The following ZNF213 variants were observed in gnomAD, a reference collection of about 807,000 sequenced individuals.
ZNF213 encodes putative transcription factor CR53.
A neutral mutation model predicts 46.0 loss-of-function variants in ZNF213; 32 were observed. The observed-to-expected ratio is 0.70, with a 90% CI of 0.52 to 0.93. The LOEUF is 0.93. Ranked by LOEUF, ZNF213 falls within the 40% of genes least tolerant of loss-of-function variation. The pLI is 0.00. For synonymous variants in ZNF213, 297 were observed against 271.0 expected (o/e 1.10, Z -0.94); for missense variants, 639 against 652.8 (o/e 0.98, Z 0.23).
chr16:3,138,467 A>G lies in ZNF213; in HGVS notation c.449A>G (p.Gln150Arg), dbSNP rs1179518810. 1 of 1,613,194 alleles carries G rather than the reference A, an allele frequency of 6.2e-7. No individual in the cohort carries two copies. Among genetic ancestry groups the G allele is most frequent in the East Asian group, 2.2e-5 (1 of 44,878 alleles). ...AEPEAAGRGS[Q>R]ATGPPPTVGA... ...CCCGAGGCTGCAGGCCGGGGATCCC[A>G]GGCCACGGGGCCTCCCCCGACGGTG... The change falls in exon 3 of 6, where the codon CAG becomes CGG. Residue 150 changes from glutamine to arginine, a missense_variant. By Grantham distance (43) the Gln-to-Arg change is conservative. Transcript: ENST00000396878.
chr16:3,141,369 C>T lies in ZNF213; in HGVS notation c.*22C>T, dbSNP rs1182780170. On this transcript the variant is annotated 3_prime_UTR_variant, in exon 6 of 6. Transcript: ENST00000396878. ...GTGAGCAGCTGGCTTGGCCGGAAAC[C>T]CGGGGGAGGCCCAGCCACGGCACAT... 1.8e-5 allele frequency: 28 copies of T among 1,522,546 alleles called. No individual in the cohort carries two copies. The highest frequency in any genetic ancestry group is 2.5e-5 in the Non-Finnish European group (28 of 1,141,272). 94.3% of individuals were successfully genotyped at this position (1,522,546 alleles called of 1,614,324 possible). A position where few individuals can be genotyped will look rare whatever the true frequency, so the allele number is the denominator to read the frequency against.
chr16:3,136,780 G>A (rs1957543253), intron 1 of ZNF213, among the ~76,000 whole-genome samples: 1 of 151,962 alleles, frequency 6.6e-6, no homozygotes, highest in South Asian at 2.1e-4. Context: ...AAACACACGA[G>A]TGGGTATAGC....
intron 5 of ZNF213, 59 bp downstream of exon 5, chr16:3,139,157 G>C: frequency 6.3e-7 from 1 of 1,595,664 alleles, no homozygotes; most frequent in South Asian, 1.1e-5. Context: ...TGGAACTTCA[G>C]TCTTGTTTCC....
intron 5 of ZNF213, 34 bp downstream of exon 5, chr16:3,139,132 C>A: frequency 6.2e-7 from 1 of 1,604,964 alleles, no homozygotes; most frequent in East Asian, 2.2e-5. Context: ...CCAGGCTGGC[C>A]GCCCCCGATT....
rs927712005 is a variant in ZNF213, at chr16:3,142,208, C to T, written c.*861C>T. The T allele has an allele frequency of 3.9e-5, 9 of 231,488 alleles. No individual in the cohort carries two copies. Among genetic ancestry groups the T allele is most frequent in the Non-Finnish European group, 7.8e-5 (9 of 115,194 alleles). The allele number at this position is 231,488 out of a possible 1,614,324, so 14.3% of individuals were successfully genotyped here. On this transcript the variant is annotated 3_prime_UTR_variant, in exon 6 of 6. Transcript: ENST00000396878. ...GCCCCGGCACCCTGCTCCATCGGCA[C>T]TGGCGCCCTGCTCCATCGGCACTAA...
intron 5 of ZNF213, 167 bp downstream of exon 5, chr16:3,139,265 T>C (rs1957576824): frequency 3.7e-6 from 4 of 1,075,090 alleles, no homozygotes; most frequent in Non-Finnish European, 5.2e-6. Flanking sequence ...TTTGTGCGTT[T>C]CCACATGCAG....
rs554894047 is a variant in ZNF213, at chr16:3,141,080, G to C, written c.1113G>C (p.Lys371Asn). Residue 371 changes from lysine to asparagine, a missense_variant, in exon 6 of 6, where the codon AAG becomes AAC. Transcript: ENST00000396878. The part of the protein sequence containing the change: ...VRHQGVHTGE[K>N]PFSCSECGKS... ...ACCAAGGCGTGCACACGGGCGAGAA[G>C]CCCTTCTCCTGTTCCGAGTGCGGCA... The C allele has an allele frequency of 6.2e-7, 1 of 1,613,348 alleles. No individual in the cohort carries two copies. The highest frequency in any genetic ancestry group is 1.1e-5 in the South Asian group (1 of 91,074).
rs756948506 is a variant in ZNF213, at chr16:3,137,260, C to T, written c.-21C>T. 3 of 1,565,830 alleles carry T rather than the reference C, an allele frequency of 1.9e-6. No individual in the cohort carries two copies. Among genetic ancestry groups the T allele is most frequent in the Admixed American group, 1.8e-5 (1 of 54,288 alleles). On this transcript the variant is annotated 5_prime_UTR_variant, in exon 2 of 6. Transcript: ENST00000396878. ...GGGGCCCAGGTTGAAGCCGACCAAC[C>T]CTGAGCCTCAGGCCAGGGGAATGGC...
At chr16:3,136,020 G>GCGT (rs1957532821) in intron 1 of ZNF213, among the ~76,000 whole-genome samples, 1 of 151,648 alleles carries the variant, frequency 6.6e-6, no homozygotes, top group Non-Finnish European at 1.5e-5. Flanking sequence ...GGTACAGATG[G>GCGT]CGTCTCACAT....
At chr16:3,138,697 G>T (rs1186434590) in intron 3 of ZNF213, 48 bp from the exon 4 acceptor site, 2 of 1,612,664 alleles carry the variant, frequency 1.2e-6, no homozygotes, top group Non-Finnish European at 1.7e-6. Flanking sequence ...ATAGGCGTCG[G>T]TGTCAAGCCT....
Position 3,137,643 on chromosome 16 carries a change from G to A in ZNF213, c.363G>A (p.Glu121=), listed in dbSNP as rs760414212. The A allele has an allele frequency of 6.2e-7, 1 of 1,613,794 alleles. No individual in the cohort carries two copies. The highest frequency in any genetic ancestry group is 8.5e-7 in the Non-Finnish European group (1 of 1,180,016). The change falls in exon 2 of 6, where the codon GAG becomes GAA. Residue 121 remains glutamate (E), a synonymous_variant. Transcript: ENST00000396878. The stretch of plus-strand genomic sequence containing the variant: ...GTGAGGAGGCTGTCGCCTTGGTGGA[G>A]GACCTACAGAAGCAGCCAGTGAAAG... ...GSGEEAVALV[E]DLQKQPVKAW...
chr16:3,140,320 C>T (rs1957589450), intron 5 of ZNF213: 2 of 172,660 alleles, frequency 1.2e-5, no homozygotes, highest in Non-Finnish European at 2.4e-5. Flanking sequence ...TTCATGGGTT[C>T]AAGTGATTCT....
chr16:3,139,119 G>C (rs781765263), intron 5 of ZNF213, 21 bp downstream of exon 5: 1 of 1,609,456 alleles, frequency 6.2e-7, no homozygotes, highest in Non-Finnish European at 8.5e-7. Context: ...AGGGCCTTTG[G>C]GTCCAGGCTG....
chr16:3,138,662 T>G, intron 3 of ZNF213, 83 bp from the exon 4 acceptor site: 1 of 1,609,078 alleles, frequency 6.2e-7, no homozygotes, highest in Non-Finnish European at 8.5e-7. Flanking sequence ...AGGGCGTGTG[T>G]GCATGCGCAC....
Position 3,140,810 on chromosome 16 carries a change from G to C in ZNF213, c.843G>C (p.Glu281Asp). 2 of 1,595,186 alleles carry C rather than the reference G, an allele frequency of 1.3e-6. No homozygotes were observed. Among genetic ancestry groups the C allele is most frequent in the South Asian group, 1.1e-5 (1 of 88,866 alleles). The change falls in exon 6 of 6, where the codon GAG (glutamate) becomes GAC (aspartate). Residue 281 changes from glutamate to aspartate, a missense_variant. Coordinates refer to ENST00000396878, the MANE Select transcript of ZNF213 (RefSeq NM_004220.3). Reference protein sequence around the residue: ...SWSPEEAEAWESENRPRAALG... With the variant: ...SWSPEEAEAWDSENRPRAALG... ...GCCCCGAGGAGGCTGAGGCCTGGGA[G>C]AGCGAGAACCGGCCGAGGGCGGCCC...
chr16:3,137,151 T>G lies in ZNF213; in HGVS notation c.-115-15T>G. The G allele has an allele frequency of 1.6e-6, 2 of 1,259,782 alleles. No individual in the cohort carries two copies. The highest frequency in any genetic ancestry group is 2.2e-6 in the Non-Finnish European group (2 of 923,166). The allele number at this position is 1,259,782 out of a possible 1,614,324, so 78.0% of individuals were successfully genotyped here. A position where few individuals can be genotyped will look rare whatever the true frequency, so the allele number is the denominator to read the frequency against. On this transcript the variant is annotated splice_polypyrimidine_tract_variant and intron_variant, in intron 1 of 5. Coordinates refer to ENST00000396878, the MANE Select transcript of ZNF213 (RefSeq NM_004220.3). ...ATCCTTCCTCCTCAGTCCTGCCATT[T>G]TGCTCTTTCCCCAGGAGTACACATC...
Position 3,140,985 on chromosome 16 carries a change from A to C in ZNF213, c.1018A>C (p.Thr340Pro), listed in dbSNP as rs777424695. 1.2e-6 allele frequency: 2 copies of C among 1,610,142 alleles called. No individual in the cohort carries two copies. Among genetic ancestry groups the C allele is most frequent in the South Asian group, 1.1e-5 (1 of 90,946 alleles). The change falls in exon 6 of 6, where the codon ACG becomes CCG. Residue 340 changes from threonine to proline, a missense_variant. By Grantham distance (38) the Thr-to-Pro change is conservative. Coordinates refer to ENST00000396878, the MANE Select transcript of ZNF213 (RefSeq NM_004220.3). ...SDLARHQRTH[T>P]GEKPHKCPEC... is the part of the protein sequence containing the mutation. ...CCTGGCGCGGCACCAGCGCACGCACACGGGCGAGAAGCCACACAAGTGCCC... is the reference window on the plus strand; with the variant it reads ...CCTGGCGCGGCACCAGCGCACGCACCCGGGCGAGAAGCCACACAAGTGCCC...
In ZNF213 at chr16:3,137,694, C is replaced by T; in HGVS notation, c.399+15C>T. On this transcript the variant is annotated intron_variant, in intron 2 of 5. Transcript: ENST00000396878. ...CCTGGCGACAGGTGAGGGGCCCTTCCACATCCAGGGGCACCTGGATGGTAT... is the reference window on the plus strand; with the variant it reads ...CCTGGCGACAGGTGAGGGGCCCTTCTACATCCAGGGGCACCTGGATGGTAT... 3.1e-6 allele frequency: 5 copies of T among 1,611,468 alleles called. No individual in the cohort carries two copies. The highest frequency in any genetic ancestry group is 4.2e-6 in the Non-Finnish European group (5 of 1,179,076).
chr16:3,135,831 T>C (rs563903670), intron 1 of ZNF213, among the ~76,000 whole-genome samples: 1 of 148,102 alleles, frequency 6.8e-6, no homozygotes, highest in Non-Finnish European at 1.5e-5. Flanking sequence ...CTTTTTACTT[T>C]TCTTTTCTTT....
Sources: allele counts gnomAD v4.1 joint callset (sites outside exome capture counted in the v4.1 genomes callset), GRCh38; gene constraint gnomAD v4.1.1; transcripts MANE v1.5; gene names NCBI Gene and HGNC (gene_info 2026-07-23, HGNC 2026-07-21).